Variants in MSI2 observed in about 807,000 individuals in gnomAD.
The protein encoded by MSI2 is RNA-binding protein Musashi homolog 2.
Under a neutral mutation model 45.6 loss-of-function variants are expected in MSI2, and 17 were observed. The observed-to-expected ratio is 0.37, with a 90% CI of 0.26 to 0.56. The LOEUF (loss-of-function observed/expected upper bound fraction) is 0.56, where lower values mean the gene tolerates loss of function less well. MSI2 is among the 20% of genes least tolerant of loss of function. The pLI, the probability that MSI2 is intolerant of heterozygous loss-of-function variation, is 0.77. For synonymous variants in MSI2, 156 were observed against 158.2 expected, an observed-to-expected ratio of 0.99 and a Z score of 0.11; for missense variants, 293 against 444.2, an observed-to-expected ratio of 0.66 and a Z score of 3.06.
chr17:57,655,712 TCAAA>T (rs756679290), intron 11 of MSI2, among the ~76,000 whole-genome samples: 10 of 152,124 alleles, frequency 6.6e-5, no homozygotes, highest in Non-Finnish European at 1.3e-4. Context: ...ACACCTCCTC[TCAAA>T]CACTCTTCTG....
intron 6 of MSI2, among the ~76,000 whole-genome samples, chr17:57,404,642 C>G (rs887829634): frequency 6.6e-6 from 1 of 152,122 alleles, no homozygotes; most frequent in African/African-American, 2.4e-5. Context: ...TCATTCCTCT[C>G]TCCTCTCCCT....
chr17:57,359,538 C>T (rs561977304), intron 5 of MSI2, among the ~76,000 whole-genome samples: 250 of 152,242 alleles, frequency 1.6e-3, no homozygotes, highest in African/African-American at 5.8e-3. Context: ...CTGAGTGAGT[C>T]CTCAATAAAA....
chr17:57,619,443 C>T (rs752242301), intron 9 of MSI2, among the ~76,000 whole-genome samples: 1 of 152,162 alleles, frequency 6.6e-6, no homozygotes, highest in Non-Finnish European at 1.5e-5. Context: ...GAGAGCACGT[C>T]ATGAGGAGTG....
chr17:57,447,457 G>T (rs2084920922), intron 6 of MSI2, among the ~76,000 whole-genome samples: 2 of 152,092 alleles, frequency 1.3e-5, no homozygotes, highest in African/African-American at 4.8e-5. Flanking sequence ...CTGGATAGGG[G>T]GGACCAGTTG....
At chr17:57,549,378 C>T (rs1465314564) in intron 7 of MSI2, among the ~76,000 whole-genome samples, 1 of 148,404 alleles carries the variant, frequency 6.7e-6, no homozygotes, top group African/African-American at 2.5e-5. Flanking sequence ...GGCTGCTGTC[C>T]GGCAACTAAA....
chr17:57,346,741 G>C (rs1915647541), intron 5 of MSI2, among the ~76,000 whole-genome samples: 1 of 151,806 alleles, frequency 6.6e-6, no homozygotes, highest in South Asian at 2.1e-4. Context: ...TGTATAGCTG[G>C]AACTACAGGC....
intron 6 of MSI2, among the ~76,000 whole-genome samples, chr17:57,485,208 G>T (rs939910899): frequency 6.6e-6 from 1 of 152,198 alleles, no homozygotes; most frequent in African/African-American, 2.4e-5. Flanking sequence ...TCTTAGGAAA[G>T]GTGGCCCAGG....
rs1271043101 is a variant in MSI2, at chr17:57,552,140, C to T, written c.454+22416C>T. Among the ~76,000 whole-genome samples the T allele has an allele frequency of 6.6e-6, 1 of 152,226 alleles. No individual in the cohort carries two copies. Among genetic ancestry groups the T allele is most frequent in the Admixed American group, 6.5e-5 (1 of 15,286 alleles). On this transcript the variant is annotated intron_variant, in intron 7 of 13. Transcript: ENST00000284073. The surrounding 1 kb of genome is among the most constrained non-coding windows in gnomAD (Gnocchi z 4.3). ...TGCTGCTGCCCCAGGACTGGCCACA[C>T]ACCAGGGCTCTGTCCCCCGACTTCC... is the stretch of plus-strand genomic sequence containing the variant.
chr17:57,658,104 G>A (rs1911738481), intron 11 of MSI2, among the ~76,000 whole-genome samples: 1 of 152,230 alleles, frequency 6.6e-6, no homozygotes, highest in South Asian at 2.1e-4. Flanking sequence ...AGCGGGGGAT[G>A]CAGTGCCTCC....
chr17:57,661,996 G>C (rs967186050), intron 11 of MSI2, among the ~76,000 whole-genome samples: 2 of 152,200 alleles, frequency 1.3e-5, no homozygotes, highest in African/African-American at 4.8e-5. Context: ...GGTGGCACCT[G>C]CTTTCCCCAA....
chr17:57,301,960 T>C (rs140466291), intron 5 of MSI2, among the ~76,000 whole-genome samples: 1 of 152,380 alleles, frequency 6.6e-6, no homozygotes, highest in African/African-American at 2.4e-5. Context: ...TGTGATATAT[T>C]GTAGTTTTCA....
intron 10 of MSI2, chr17:57,629,984 T>A (rs1056240574): frequency 6.6e-6 from 1 of 152,290 alleles, no homozygotes; most frequent in Non-Finnish European, 1.5e-5. Flanking sequence ...GGCCCCTGTC[T>A]CATCAGAGGG....
At chr17:57,464,697 C>T (rs1334580823) in intron 6 of MSI2, among the ~76,000 whole-genome samples, 6 of 152,186 alleles carry the variant, frequency 3.9e-5, no homozygotes, top group Admixed American at 3.3e-4. Context: ...CCTTGGGACA[C>T]TCTTTGGAAG....
chr17:57,665,520 A>G (rs1315553550), intron 11 of MSI2, among the ~76,000 whole-genome samples: 1 of 152,218 alleles, frequency 6.6e-6, no homozygotes, highest in Non-Finnish European at 1.5e-5. Flanking sequence ...TGCTTTTATA[A>G]TTATTAAAAA....
chr17:57,690,154 T>G, the MSI2 span, among the ~76,000 whole-genome samples: 8 of 111,746 alleles, frequency 7.2e-5, no homozygotes, highest in African/African-American at 2.2e-4. Flanking sequence ...GTTCAGTTTT[T>G]TTTTTTTTTT....
intron 6 of MSI2, among the ~76,000 whole-genome samples, chr17:57,494,867 G>A (rs562136214): frequency 3.3e-5 from 5 of 152,048 alleles, no homozygotes; most frequent in East Asian, 1.9e-4. Flanking sequence ...AACGAATCCC[G>A]GTCATGACAG....
At chr17:57,623,381 C>A (rs1011524231) in intron 9 of MSI2, among the ~76,000 whole-genome samples, 4 of 152,110 alleles carry the variant, frequency 2.6e-5, no homozygotes, top group African/African-American at 9.7e-5. Flanking sequence ...GAGTCATGGA[C>A]CCGTCTAGAA....
chr17:57,314,253 C>CT (rs1286307215), intron 5 of MSI2, among the ~76,000 whole-genome samples: 2 of 152,182 alleles, frequency 1.3e-5, no homozygotes, highest in Non-Finnish European at 2.9e-5. Context: ...TTAATTACCT[C>CT]TGTCAAGACC....
Position 57,286,374 on chromosome 17 carries a change from C to T in MSI2, c.312+24182C>T, listed in dbSNP as rs1368548622. Among the ~76,000 whole-genome samples, 5 of 152,044 alleles carry T rather than the reference C, an allele frequency of 3.3e-5. No homozygotes were observed. The East Asian group carries it at 5.8e-4, about 18-fold the overall frequency. On this transcript the variant is annotated intron_variant, in intron 5 of 13. Coordinates refer to ENST00000284073, the MANE Select transcript of MSI2 (RefSeq NM_138962.4). ...GCTTTGTGTGTCCCTGCATTTTCCT[C>T]GACGGTCGCTAATAAGAACTGCTGG...
Sources: allele counts gnomAD v4.1 joint callset (sites outside exome capture counted in the v4.1 genomes callset), GRCh38; gene constraint gnomAD v4.1.1; non-coding constraint Gnocchi (gnomAD v3.1); transcripts MANE v1.5; gene names NCBI Gene and HGNC (gene_info 2026-07-23, HGNC 2026-07-21).